The following GLRX variants were observed in gnomAD, a reference collection of about 807,000 sequenced individuals.
GLRX encodes glutaredoxin.
Under a neutral mutation model 11.1 loss-of-function variants are expected in GLRX, and 9 were observed. The ratio of observed to expected loss-of-function variants is 0.81; its 90% confidence interval spans 0.49 to 1.42. The LOEUF (loss-of-function observed/expected upper bound fraction) is 1.42. GLRX is among the 40% of genes most tolerant of loss of function. The pLI is 0.00. For missense variants in GLRX, 102 were observed against 126.2 expected (o/e 0.81, Z 0.92); for synonymous variants, 49 against 49.5 (o/e 0.99, Z 0.04).
At chr5:95,815,577 A>G (rs1185500415) in intron 2 of GLRX, among the ~76,000 whole-genome samples, 2 of 152,206 alleles carry the variant, frequency 1.3e-5, no homozygotes, top group Admixed American at 6.5e-5. Flanking sequence ...CTAAAGCAGC[A>G]TTTACATCTC....
At chr5:95,815,934 T>C (rs1198563410) in intron 2 of GLRX, among the ~76,000 whole-genome samples, 1 of 152,220 alleles carries the variant, frequency 6.6e-6, no homozygotes, top group African/African-American at 2.4e-5. Context: ...TTCTTCCTTT[T>C]CACTGCACTT....
At chr5:95,821,253 G>T (rs947242589) in intron 1 of GLRX, among the ~76,000 whole-genome samples, 2 of 152,166 alleles carry the variant, frequency 1.3e-5, no homozygotes, top group African/African-American at 2.4e-5. Flanking sequence ...ATGGCTAAAA[G>T]GTCCTCAGGG....
Position 95,822,664 on chromosome 5 carries a change from C to A in GLRX, c.-2G>T. Reference sequence around the variant, plus strand: ...GCAGTTCACAAACTCTTGAGCCATGCCGATGGGCTGCGGTCTCCCCGGGAA... The same window carrying A: ...GCAGTTCACAAACTCTTGAGCCATGACGATGGGCTGCGGTCTCCCCGGGAA... On this transcript the variant is annotated 5_prime_UTR_variant, in exon 1 of 3. Coordinates refer to ENST00000237858, the MANE Select transcript of GLRX (RefSeq NM_001118890.2). 1 of 1,613,134 alleles carries A rather than the reference C, an allele frequency of 6.2e-7. No homozygotes were observed. Among genetic ancestry groups the A allele is most frequent in the Non-Finnish European group, 8.5e-7 (1 of 1,179,190 alleles).
intron 1 of GLRX, among the ~76,000 whole-genome samples, chr5:95,821,386 C>T (rs1747230370): frequency 6.6e-6 from 1 of 152,128 alleles, no homozygotes; most frequent in African/African-American, 2.4e-5. Context: ...ATTGTGTATA[C>T]TCCAGGACCT....
chr5:95,814,881 A>C (rs1485572442), intron 2 of GLRX: 1 of 161,950 alleles, frequency 6.2e-6, no homozygotes, highest in South Asian at 2.1e-4. Flanking sequence ...GTGCCCCCAA[A>C]TTCATCCACC....
intron 1 of GLRX, among the ~76,000 whole-genome samples, chr5:95,820,891 G>A (rs967402120): frequency 1.3e-5 from 2 of 152,054 alleles, no homozygotes; most frequent in Non-Finnish European, 2.9e-5. Context: ...CGAGGTAGGT[G>A]GATCGCCTGA....
chr5:95,815,608 T>C (rs28926216), intron 2 of GLRX, among the ~76,000 whole-genome samples: 3 of 152,234 alleles, frequency 2.0e-5, no homozygotes, highest in African/African-American at 4.8e-5. Context: ...GGTCTCTGAA[T>C]TGGCCTGCTT....
intron 1 of GLRX, chr5:95,822,215 C>T (rs1747266167): frequency 1.8e-6 from 1 of 557,958 alleles, no homozygotes; most frequent in South Asian, 2.1e-5. Context: ...CTTACCCTGC[C>T]GCACAGCAGA....
chr5:95,816,646 A>G lies in GLRX; in HGVS notation c.208-20T>C, dbSNP rs775208637. 6.3e-6 allele frequency: 7 copies of G among 1,118,486 alleles called. No homozygotes were observed. In the African/African-American group the frequency reaches 1.1e-4, roughly 17 times the overall value. 69.3% of individuals were successfully genotyped at this position (1,118,486 alleles called of 1,614,324 possible). On this transcript the variant is annotated intron_variant, in intron 1 of 2. Coordinates refer to ENST00000237858, the MANE Select transcript of GLRX (RefSeq NM_001118890.2). ...AGGCACCTAAAAAAGCACACGACCC[A>G]GGACATTACTACATTACTAGATTAG...
At chr5:95,819,670 C>T (rs1259150394) in intron 1 of GLRX, among the ~76,000 whole-genome samples, 7 of 151,778 alleles carry the variant, frequency 4.6e-5, no homozygotes, top group Admixed American at 2.0e-4. Flanking sequence ...GAGGCTGAGG[C>T]GGGTGGATCA....
chr5:95,816,527 C>A lies in GLRX; in HGVS notation c.307G>T (p.Gly103Ter), dbSNP rs142466878. ...GELLTRLKQI[G>*]ALQ ...CTCACCTGTGGTTACTGCAGAGCTC[C>A]AATCTGCTTTAGCCGCGTCAGCAGT... Residue 103 changes from glycine (G) to a stop codon, truncating the protein, a stop_gained, in exon 2 of 3, where the codon GGA (glycine) becomes TGA (stop). Transcript: ENST00000237858. LOFTEE classifies it high-confidence loss of function. 9 of 1,578,288 alleles carry A rather than the reference C, an allele frequency of 5.7e-6. No homozygotes were observed. Among genetic ancestry groups the A allele is most frequent in the Non-Finnish European group, 7.8e-6 (9 of 1,147,274 alleles).
At chr5:95,821,026 C>A (rs564800810) in intron 1 of GLRX, among the ~76,000 whole-genome samples, 1 of 151,902 alleles carries the variant, frequency 6.6e-6, no homozygotes, top group East Asian at 2.0e-4. Context: ...TGAGGAGAAC[C>A]CAGGAGGCAG....
rs898217699 is a variant in GLRX at position 95,814,346 on chromosome 5, G to C, written c.*50C>G. On this transcript the variant is annotated 3_prime_UTR_variant, in exon 3 of 3. Coordinates refer to ENST00000237858, the MANE Select transcript of GLRX (RefSeq NM_001118890.2). The stretch of plus-strand genomic sequence containing the variant: ...CTTTTCATATGATTTCTCCAATTGG[G>C]TCCTGTGACCTTTCACAGAATTGTT... 1 of 152,602 alleles carries C rather than the reference G, an allele frequency of 6.6e-6. No homozygotes were observed. The highest frequency in any genetic ancestry group is 2.4e-5 in the African/African-American group (1 of 41,424). The allele number at this position is 152,602 out of a possible 1,614,324, so 9.5% of individuals were successfully genotyped here.
chr5:95,816,695 T>C (rs1747012667), intron 1 of GLRX, 69 bp from the exon 2 acceptor site: 1 of 838,712 alleles, frequency 1.2e-6, no homozygotes, highest in African/African-American at 1.7e-5. Context: ...ATCCTACCAC[T>C]AAATATTTCC....
intron 2 of GLRX, 175 bp downstream of exon 2, chr5:95,816,332 G>C (rs1561466070): frequency 3.7e-6 from 2 of 534,996 alleles, no homozygotes; most frequent in Non-Finnish European, 6.7e-6. Context: ...TTCTCTCATT[G>C]ACACGATCTC....
At chr5:95,816,131 G>C (rs1404602259) in intron 2 of GLRX, among the ~76,000 whole-genome samples, 1 of 152,038 alleles carries the variant, frequency 6.6e-6, no homozygotes, top group Non-Finnish European at 1.5e-5. Context: ...TACCATGTTA[G>C]CTCAATTTTC....
At chr5:95,821,709 A>C (rs1168885104) in intron 1 of GLRX, among the ~76,000 whole-genome samples, 1 of 152,182 alleles carries the variant, frequency 6.6e-6, no homozygotes, top group African/African-American at 2.4e-5. Flanking sequence ...AGGATGCTGA[A>C]GAGAGGGAAG....
intron 1 of GLRX, 71 bp downstream of exon 1, chr5:95,822,385 A>C: frequency 7.7e-7 from 1 of 1,291,676 alleles, no homozygotes; most frequent in Admixed American, 1.7e-5. Flanking sequence ...CCTTATCCTA[A>C]AGAAAGGCAC....
intron 2 of GLRX, among the ~76,000 whole-genome samples, chr5:95,815,553 C>T (rs1363226523): frequency 6.6e-6 from 1 of 152,224 alleles, no homozygotes; most frequent in Non-Finnish European, 1.5e-5. Flanking sequence ...AAGAACCATT[C>T]ATTTCTCCCT....
Sources: allele counts gnomAD v4.1 joint callset (sites outside exome capture counted in the v4.1 genomes callset), GRCh38; gene constraint gnomAD v4.1.1; transcripts MANE v1.5; gene names NCBI Gene and HGNC (gene_info 2026-07-23, HGNC 2026-07-21).